The following FOXP1 variants were observed in gnomAD, a reference collection of about 807,000 sequenced individuals.
FOXP1 encodes the protein forkhead box P1, also known as forkhead box protein P1.
Under a neutral mutation model 98.2 loss-of-function variants are expected in FOXP1, and 15 were observed. The ratio of observed to expected loss-of-function variants is 0.15; its 90% CI spans 0.10 to 0.24. FOXP1 has a LOEUF of 0.24. FOXP1 is among the 10% of genes least tolerant of loss of function. FOXP1 has a pLI of 1.00. For missense variants in FOXP1, 633 were observed against 848.5 expected, an observed-to-expected ratio of 0.75 and a Z score of 3.15; for synonymous variants, 371 against 314.5, an observed-to-expected ratio of 1.18 and a Z score of -1.90.
rs559286668 is a variant in FOXP1 at position 71,296,234 on chromosome 3, T to G, written c.-12+3586A>C. 5 of 152,340 alleles carry G rather than the reference T, an allele frequency of 3.3e-5. No homozygotes were observed. The South Asian group carries it at 1.0e-3, about 32-fold the overall frequency. The allele number at this position is 152,340 out of a possible 1,614,324, so 9.4% of individuals were successfully genotyped here. On this transcript the variant is annotated intron_variant, in intron 5 of 20. Transcript: ENST00000649528. ...CTCTTAATAATTCCCAGGTTTCAAA[T>G]TTGAGGCGTGGTATTTACTGAGAAG...
At chr3:70,981,898 A>G (rs2038932843) in intron 14 of FOXP1, among the ~76,000 whole-genome samples, 1 of 152,240 alleles carries the variant, frequency 6.6e-6, no homozygotes, top group South Asian at 2.1e-4. Flanking sequence ...AAGAAGAAAA[A>G]GCTGTACACT....
chr3:71,178,150 T>A (rs1406126097), intron 6 of FOXP1, among the ~76,000 whole-genome samples: 1 of 142,930 alleles, frequency 7.0e-6, no homozygotes, highest in African/African-American at 2.5e-5. Flanking sequence ...TTTTTTTTTT[T>A]TTTTTGAGAG....
At chr3:71,028,048 G>A (rs971828765) in intron 11 of FOXP1, among the ~76,000 whole-genome samples, 2 of 152,052 alleles carry the variant, frequency 1.3e-5, no homozygotes, top group Admixed American at 1.3e-4. Flanking sequence ...GGTGATGAAA[G>A]GAATAGAGTG....
intron 3 of FOXP1, among the ~76,000 whole-genome samples, chr3:71,414,675 C>T (rs1443220997): frequency 1.3e-5 from 2 of 152,166 alleles, no homozygotes; most frequent in African/African-American, 4.8e-5. Flanking sequence ...GGAGAGGGCA[C>T]GAGGAGGACA....
chr3:71,525,862 T>A (rs971855891), intron 2 of FOXP1, among the ~76,000 whole-genome samples: 6 of 152,102 alleles, frequency 3.9e-5, no homozygotes, highest in African/African-American at 1.2e-4. Context: ...ACGCTTGTAA[T>A]CCTAACACTT....
At chr3:71,276,481 A>C (rs571987085) in intron 5 of FOXP1, 2 of 152,328 alleles carry the variant, frequency 1.3e-5, no homozygotes, top group East Asian at 3.9e-4. Flanking sequence ...CTCAGCCAAT[A>C]TCTCCATCAG....
At chr3:71,016,607 T>C (rs950684450) in intron 11 of FOXP1, among the ~76,000 whole-genome samples, 1 of 151,896 alleles carries the variant, frequency 6.6e-6, no homozygotes, top group African/African-American at 2.4e-5. Flanking sequence ...CTTACTCGAC[T>C]GTCTCTGCCT....
chr3:71,495,936 A>G (rs2091376348), intron 2 of FOXP1, among the ~76,000 whole-genome samples: 4 of 152,166 alleles, frequency 2.6e-5, no homozygotes, highest in Non-Finnish European at 1.5e-5. Context: ...GAGGGAAGGA[A>G]TGTGGCAAGC....
Position 71,131,020 on chromosome 3 carries a change from G to A in FOXP1, c.181-18383C>T, listed in dbSNP as rs888671303. ...AACCTGCTCTTGAGATATTTTTGTG[G>A]TGACATTTACATAGGCAGGATGCTT... On this transcript the variant is annotated intron_variant, in intron 6 of 20. Transcript: ENST00000649528. 4.2e-6 allele frequency: 3 copies of A among 712,286 alleles called. No individual in the cohort carries two copies. In the African/African-American group the frequency reaches 5.8e-5, roughly 14 times the overall value. The allele number at this position is 712,286 out of a possible 1,614,324, so 44.1% of individuals were successfully genotyped here. A position where few individuals can be genotyped will look rare whatever the true frequency, so the allele number is the denominator to read the frequency against.
At chr3:71,544,795 T>C (rs1032634776) in intron 2 of FOXP1, among the ~76,000 whole-genome samples, 5 of 152,034 alleles carry the variant, frequency 3.3e-5, no homozygotes, top group African/African-American at 7.2e-5. Flanking sequence ...TAAGTGAAAC[T>C]TGGATAATAG....
chr3:71,349,641 TAAA>T (rs55905925), intron 4 of FOXP1, among the ~76,000 whole-genome samples: 1 of 149,464 alleles, frequency 6.7e-6, no homozygotes, highest in Non-Finnish European at 1.5e-5. Flanking sequence ...CATGCAAAAA[TAAA>T]AAAAAAAATT....
At chr3:71,233,231 GAGGGGAGGGA>G in intron 5 of FOXP1, among the ~76,000 whole-genome samples, 1 of 148,308 alleles carries the variant, frequency 6.7e-6, no homozygotes. Flanking sequence ...GAAGGCATGG[GAGGGGAGGGA>G]AGGGGAGAGG....
intron 2 of FOXP1, among the ~76,000 whole-genome samples, chr3:71,546,108 T>G (rs1185526739): frequency 6.6e-6 from 1 of 152,138 alleles, no homozygotes; most frequent in Admixed American, 6.5e-5. Context: ...GGATTTGCAT[T>G]AATCCATACA....
At chr3:71,574,988 T>C (rs1455202900) in intron 2 of FOXP1, among the ~76,000 whole-genome samples, 4 of 152,202 alleles carry the variant, frequency 2.6e-5, no homozygotes, top group Non-Finnish European at 5.9e-5. Flanking sequence ...TAAGAAGGGT[T>C]GCAGGCTTTC....
At chr3:71,099,119 A>G (rs939297054) in intron 7 of FOXP1, among the ~76,000 whole-genome samples, 1 of 152,220 alleles carries the variant, frequency 6.6e-6, no homozygotes, top group Non-Finnish European at 1.5e-5. Flanking sequence ...AAGCAAAACG[A>G]TGGTCCACAT....
At chr3:71,444,453 TCAC>T (rs2086228190) in intron 3 of FOXP1, among the ~76,000 whole-genome samples, 1 of 151,150 alleles carries the variant, frequency 6.6e-6, no homozygotes, top group Non-Finnish European at 1.5e-5. Flanking sequence ...TGAACAAGCA[TCAC>T]CACGACTCAC....
Position 70,976,715 on chromosome 3 carries a change from G to GCTGGC in FOXP1, c.1530+221_1530+225dup, listed in dbSNP as rs551731519. Among the ~76,000 whole-genome samples the GCTGGC allele has an allele frequency of 1.5e-4, 23 of 152,290 alleles. No homozygotes were observed. In the South Asian group the frequency reaches 4.6e-3, roughly 30 times the overall value. Reference sequence around the variant, plus strand: ...CAACCAGAGAGAGATCACTTTACTGGCTGGCCCCTCCACACTGCTGATGCT... The same window carrying GCTGGC: ...CAACCAGAGAGAGATCACTTTACTGGCTGGCCTGGCCCCTCCACACTGCTGATGCT... On this transcript the variant is annotated intron_variant, in intron 17 of 20. Coordinates refer to ENST00000649528, the MANE Select transcript of FOXP1 (RefSeq NM_001349338.3).
intron 3 of FOXP1, among the ~76,000 whole-genome samples, chr3:71,397,036 GTATATA>G (rs1157240943): frequency 2.6e-5 from 1 of 39,176 alleles, no homozygotes; most frequent in Non-Finnish European, 6.5e-5. Context: ...ATATATATGT[GTATATA>G]TATATACACA....
intron 3 of FOXP1, among the ~76,000 whole-genome samples, chr3:71,413,595 T>C (rs1210240259): frequency 6.6e-6 from 1 of 152,198 alleles, no homozygotes; most frequent in African/African-American, 2.4e-5. Flanking sequence ...TACCTGCCTC[T>C]TAGATGTTGC....
Sources: gnomAD v4.1 joint callset for allele counts (sites outside exome capture counted in the v4.1 genomes callset) on GRCh38, gnomAD v4.1.1 for gene constraint, MANE v1.5 for transcripts, NCBI Gene and HGNC (gene_info 2026-07-23, HGNC 2026-07-21) for gene names.